The following CPLANE1 variants were observed in gnomAD, a reference collection of about 807,000 sequenced individuals.
CPLANE1 encodes ciliogenesis and planar polarity effector 1.
A neutral mutation model predicts 362.5 loss-of-function variants in CPLANE1; 263 were observed. That is an observed-to-expected ratio of 0.73 (90% CI 0.66 to 0.80). The LOEUF is 0.80. Ranked by LOEUF, CPLANE1 falls within the 30% of genes least tolerant of loss-of-function variation. The probability of loss-of-function intolerance (pLI) is 0.00; values close to 1 mark genes in which losing one functional copy is unlikely to be tolerated. For synonymous variants in CPLANE1, 1,212 were observed against 1,302.6 expected, an observed-to-expected ratio of 0.93 and a Z score of 1.50; for missense variants, 3,461 against 3,793.4, an observed-to-expected ratio of 0.91 and a Z score of 2.30.
At chr5:37,088,199 G>A in the CPLANE1 span, among the ~76,000 whole-genome samples, 6 of 152,320 alleles carry the variant, frequency 3.9e-5, no homozygotes, top group South Asian at 1.0e-3. Context: ...GGTTAACCCA[G>A]GCAATTAAGA....
chr5:37,098,428 A>AC, the CPLANE1 span, among the ~76,000 whole-genome samples: 1 of 149,514 alleles, frequency 6.7e-6, no homozygotes, highest in Non-Finnish European at 1.5e-5. Flanking sequence ...ACACACATAC[A>AC]CCTACTCACA....
chr5:37,211,665 C>G (rs1262987559), intron 16 of CPLANE1: 1 of 797,780 alleles, frequency 1.3e-6, no homozygotes, highest in Non-Finnish European at 2.3e-6. Flanking sequence ...CAGTCCTTAT[C>G]CTGACAGAAT....
chr5:37,180,175 G>A lies in CPLANE1; in HGVS notation c.5579C>T (p.Pro1860Leu), dbSNP rs368751039. 41 of 1,473,754 alleles carry A rather than the reference G, an allele frequency of 2.8e-5. 1 individual carries two copies. In the East Asian group the frequency reaches 4.0e-4, roughly 14 times the overall value. The allele number at this position is 1,473,754 out of a possible 1,614,324, so 91.3% of individuals were successfully genotyped here. Residue 1860 changes from proline (P) to leucine (L), a missense_variant, in exon 28 of 53, where the codon CCA becomes CTA. By Grantham distance (98) the Pro-to-Leu change is moderately conservative. This residue lies in a region of CPLANE1 where 3,380 missense variants were observed against 3,666.1 expected (regional missense o/e 0.92). Transcript: ENST00000651892. Reference protein sequence around the residue: ...KSCQNILNRMPTEAKNPDIKE... With the variant: ...KSCQNILNRMLTEAKNPDIKE... ...TATATCAGGATTTTTTGCTTCAGTT[G>A]GCATTCTACTGAAAAAAATGCAGCA...
In CPLANE1 at chr5:37,227,732, T is replaced by G; in HGVS notation, c.1207A>C (p.Ile403Leu). 1 of 1,551,492 alleles carries G rather than the reference T, an allele frequency of 6.4e-7. No homozygotes were observed. The highest frequency in any genetic ancestry group is 8.7e-7 in the Non-Finnish European group (1 of 1,146,868). Residue 403 changes from isoleucine to leucine, a missense_variant, in exon 10 of 53, where the codon ATA (isoleucine) becomes CTA (leucine). Around this residue, in one of 2 missense-constraint regions of CPLANE1, gnomAD observed 3,380 missense variants for 3,666.1 expected, o/e 0.92. Transcript: ENST00000651892. ...TAGGGTAACCGTGAGTGTGCTTTTA[T>G]AGAAAATCTCTGTCTCATAGGGTCA... The part of the protein sequence containing the change: ...DSDPMRQRFS[I>L]KAHSRLPYLV...
chr5:37,139,118 TGTA>T (rs1561375194), intron 45 of CPLANE1, among the ~76,000 whole-genome samples: 1 of 152,170 alleles, frequency 6.6e-6, no homozygotes, highest in African/African-American at 2.4e-5. Flanking sequence ...TATAAGAAAA[TGTA>T]GTAAATATAG....
In CPLANE1 at chr5:37,142,290, G is replaced by GA; in HGVS notation, c.8632+19dup. The GA allele has an allele frequency of 6.6e-7, 1 of 1,509,520 alleles. No individual in the cohort carries two copies. Among genetic ancestry groups the GA allele is most frequent in the Non-Finnish European group, 8.8e-7 (1 of 1,132,582 alleles). The allele number at this position is 1,509,520 out of a possible 1,614,324, so 93.5% of individuals were successfully genotyped here. On this transcript the variant is annotated intron_variant, in intron 44 of 52. Transcript: ENST00000651892. ...ATGGAGAATAAGAGTATGTGTAAAT[G>GA]AAAAAGTAAAGAACAATACCAGGAG...
intron 21 of CPLANE1, among the ~76,000 whole-genome samples, chr5:37,192,735 G>GTA (rs1785939676): frequency 2.0e-5 from 3 of 151,044 alleles, no homozygotes; most frequent in African/African-American, 7.3e-5. Flanking sequence ...GTGGTGGCAG[G>GTA]CGCCTGTAGT....
At chr5:37,160,815 G>A (rs1776659633) in intron 38 of CPLANE1, among the ~76,000 whole-genome samples, 1 of 151,750 alleles carries the variant, frequency 6.6e-6, no homozygotes, top group South Asian at 2.1e-4. Flanking sequence ...GGGACTACAG[G>A]CGCCTGCCAC....
At chr5:37,120,524 T>C (rs879361730) in intron 49 of CPLANE1, among the ~76,000 whole-genome samples, 184 bp from the exon 50 acceptor site, 6 of 151,746 alleles carry the variant, frequency 4.0e-5, no homozygotes, top group Admixed American at 3.3e-4. Flanking sequence ...GTGCCATGAT[T>C]GCACCTGTGA....
intron 49 of CPLANE1, among the ~76,000 whole-genome samples, 163 bp from the exon 50 acceptor site, chr5:37,120,503 G>A (rs1428227311): frequency 2.6e-5 from 4 of 151,920 alleles, no homozygotes; most frequent in Admixed American, 6.6e-5. Flanking sequence ...CCAGAGAGTC[G>A]AGGCTGTGGT....
Position 37,125,297 on chromosome 5 carries a change from G to T in CPLANE1, c.8905C>A (p.Leu2969Met), listed in dbSNP as rs1455247765. ...TGTTCTTGCCCTCTCTTTTCTGCCA[G>T]CTCATTTAAGTACTTTGCCATTCTT... is the stretch of plus-strand genomic sequence containing the variant. ...KERMAKYLNE[L>M]AEKRGQEHDP... The change falls in exon 47 of 53, where the codon CTG (leucine) becomes ATG (methionine). Residue 2969 changes from leucine (L) to methionine (M), a missense_variant. Leu to Met is a conservative substitution (Grantham distance 15). Transcript: ENST00000651892. 1.2e-6 allele frequency: 2 copies of T among 1,613,886 alleles called. No homozygotes were observed. The highest frequency in any genetic ancestry group is 2.2e-5 in the East Asian group (1 of 44,842).
intron 16 of CPLANE1, chr5:37,210,954 T>C: frequency 1.3e-6 from 1 of 780,876 alleles, no homozygotes; most frequent in Non-Finnish European, 2.4e-6. Context: ...TTACAAAGTT[T>C]CCATAAAGAG....
chr5:37,234,142 A>G (rs1798369784), intron 8 of CPLANE1, among the ~76,000 whole-genome samples: 1 of 152,236 alleles, frequency 6.6e-6, no homozygotes, highest in Non-Finnish European at 1.5e-5. Context: ...TACCAGATGC[A>G]CAGACATCAA....
At chr5:37,075,800 C>A in the CPLANE1 span, among the ~76,000 whole-genome samples, 1 of 152,110 alleles carries the variant, frequency 6.6e-6, no homozygotes, top group African/African-American at 2.4e-5. Context: ...TCTGCTGGGT[C>A]GAGTATTTGG....
intron 50 of CPLANE1, among the ~76,000 whole-genome samples, chr5:37,116,475 G>A (rs1406518108): frequency 1.9e-5 from 2 of 103,548 alleles, no homozygotes; most frequent in Non-Finnish European, 3.4e-5. Context: ...GACAGAGCAA[G>A]ACTCTGCCTC....
rs1472229305 is a variant in CPLANE1, at chr5:37,164,255, A to G, written c.7588+18T>C. On this transcript the variant is annotated intron_variant, in intron 37 of 52. Transcript: ENST00000651892. ...TAACTCTAAACTTAGACATTACATTAATCATACACATACATACCAAAAGGA... is the reference window on the plus strand; with the variant it reads ...TAACTCTAAACTTAGACATTACATTGATCATACACATACATACCAAAAGGA... 5 of 1,580,426 alleles carry G rather than the reference A, an allele frequency of 3.2e-6. No homozygotes were observed. The highest frequency in any genetic ancestry group is 3.3e-4 in the Middle Eastern group (2 of 5,980).
At chr5:37,180,724 G>A (rs113881636) in intron 27 of CPLANE1, 133 bp downstream of exon 27, 4 of 726,928 alleles carry the variant, frequency 5.5e-6, no homozygotes, top group African/African-American at 1.8e-5. Flanking sequence ...ACCTCAGAAA[G>A]CTCACTGCCT....
chr5:37,190,408 A>G (rs1785199408), intron 21 of CPLANE1, among the ~76,000 whole-genome samples: 1 of 151,154 alleles, frequency 6.6e-6, no homozygotes, highest in African/African-American at 2.5e-5. Context: ...TCTTTATGAA[A>G]AAATGAAAAA....
chr5:37,101,239 G>A (rs1394513748), downstream of CPLANE1, among the ~76,000 whole-genome samples: 2 of 152,154 alleles, frequency 1.3e-5, no homozygotes, highest in Non-Finnish European at 2.9e-5. Flanking sequence ...TACTGGCTGT[G>A]AGTTTGTCAT....
Sources: allele counts gnomAD v4.1 joint callset (sites outside exome capture counted in the v4.1 genomes callset), GRCh38; gene constraint gnomAD v4.1.1; regional missense constraint gnomAD v4.1.1; transcripts MANE v1.5; gene names NCBI Gene and HGNC (gene_info 2026-07-23, HGNC 2026-07-21).